The following CAMTA1 variants were observed in gnomAD, a reference collection of about 807,000 sequenced individuals.
CAMTA1 encodes the protein calmodulin-binding transcription activator 1.
A neutral mutation model predicts 170.9 loss-of-function variants in CAMTA1; 27 were observed. The observed-to-expected ratio is 0.16, with a 90% CI of 0.12 to 0.22. The LOEUF is 0.22. Among genes scored for constraint, CAMTA1 ranks in the 10% least tolerant of loss-of-function variants. The pLI is 1.00. For synonymous variants in CAMTA1, 833 were observed against 891.5 expected, an observed-to-expected ratio of 0.93 and a Z score of 1.17; for missense variants, 1,619 against 2,217.2, an observed-to-expected ratio of 0.73 and a Z score of 5.42.
intron 6 of CAMTA1, among the ~76,000 whole-genome samples, chr1:7,576,211 T>A (rs1414213317): frequency 6.6e-6 from 1 of 152,168 alleles, no homozygotes; most frequent in Non-Finnish European, 1.5e-5. Context: ...GGTTCCTCCA[T>A]GTTGGCCAGG....
intron 5 of CAMTA1, among the ~76,000 whole-genome samples, chr1:7,354,382 C>T (rs995848567): frequency 1.3e-5 from 2 of 152,120 alleles, no homozygotes; most frequent in Non-Finnish European, 2.9e-5. Flanking sequence ...ATCTCCCGAC[C>T]TCGTGATCCG....
intron 5 of CAMTA1, among the ~76,000 whole-genome samples, chr1:7,356,305 T>C (rs2085106533): frequency 6.6e-6 from 1 of 152,244 alleles, no homozygotes; most frequent in Admixed American, 6.5e-5. Context: ...AGGGCTCAAG[T>C]GCCCTTGGCC....
intron 5 of CAMTA1, among the ~76,000 whole-genome samples, chr1:7,310,115 G>A (rs552284024): frequency 6.6e-6 from 1 of 152,200 alleles, no homozygotes; most frequent in South Asian, 2.1e-4. Context: ...CTTGTCTGCT[G>A]GCAACTAATT....
chr1:7,219,560 A>T (rs1660363197), intron 4 of CAMTA1: 1 of 150,144 alleles, frequency 6.7e-6, no homozygotes, highest in Non-Finnish European at 1.5e-5. Flanking sequence ...AAAAAAAAAA[A>T]AAAAAAAAAA....
chr1:6,799,938 T>C (rs1643491956), intron 1 of CAMTA1, among the ~76,000 whole-genome samples: 1 of 152,148 alleles, frequency 6.6e-6, no homozygotes, highest in African/African-American at 2.4e-5. Flanking sequence ...GATATTCAGC[T>C]ATTCTGTATA....
At chr1:7,731,300 G>A (rs1002661911) in intron 11 of CAMTA1, among the ~76,000 whole-genome samples, 2 of 152,068 alleles carry the variant, frequency 1.3e-5, no homozygotes, top group South Asian at 2.1e-4. Flanking sequence ...GGGGCTGGGC[G>A]CAGTGGTTCA....
At chr1:7,411,183 T>C (rs774664417) in intron 5 of CAMTA1, among the ~76,000 whole-genome samples, 3 of 152,320 alleles carry the variant, frequency 2.0e-5, no homozygotes, top group Non-Finnish European at 4.4e-5. Flanking sequence ...TCACACTCTT[T>C]CCATCACTGT....
Position 6,965,745 on chromosome 1 carries a change from T to C in CAMTA1, c.235-125559T>C, listed in dbSNP as rs1010330312. Among the ~76,000 whole-genome samples the C allele has an allele frequency of 1.3e-5, 2 of 152,232 alleles. No individual in the cohort carries two copies. The highest frequency in any genetic ancestry group is 4.8e-5 in the African/African-American group (2 of 41,462). ...TCGCTTTGGGAGTTATTAGAGTTAGTGCCGGTTGTGACAAAAGCTGCATTT... is the reference window on the plus strand; with the variant it reads ...TCGCTTTGGGAGTTATTAGAGTTAGCGCCGGTTGTGACAAAAGCTGCATTT... On this transcript the variant is annotated intron_variant, in intron 3 of 22. Transcript: ENST00000303635. This position sits in a 1 kb window ranked among gnomAD's most constrained non-coding sequence, Gnocchi z 4.1.
chr1:6,931,210 G>A (rs916157774), intron 3 of CAMTA1, among the ~76,000 whole-genome samples: 1 of 152,218 alleles, frequency 6.6e-6, no homozygotes, highest in African/African-American at 2.4e-5. Context: ...GTGCCTGTGG[G>A]TGTGGGTAAG....
At chr1:7,661,597 C>T in intron 7 of CAMTA1, 129 bp from the exon 8 acceptor site, 1 of 1,066,642 alleles carries the variant, frequency 9.4e-7, no homozygotes, top group South Asian at 1.5e-5. Flanking sequence ...CATCAATTCG[C>T]CCCAGGAGCC....
At chr1:7,279,474 A>G (rs1360149981) in intron 5 of CAMTA1, among the ~76,000 whole-genome samples, 2 of 152,140 alleles carry the variant, frequency 1.3e-5, no homozygotes, top group South Asian at 4.1e-4. Flanking sequence ...CGGCAGCCCC[A>G]AAAGCTGTCA....
At chr1:7,525,215 C>T (rs2094417128) in intron 6 of CAMTA1, among the ~76,000 whole-genome samples, 2 of 151,992 alleles carry the variant, frequency 1.3e-5, no homozygotes, top group Admixed American at 1.3e-4. Context: ...CCCCCAGCAC[C>T]CACTCTTCTC....
intron 18 of CAMTA1, among the ~76,000 whole-genome samples, chr1:7,746,419 C>G (rs1296034973): frequency 6.6e-6 from 1 of 152,146 alleles, no homozygotes; most frequent in African/African-American, 2.4e-5. Context: ...TCTCATTCTC[C>G]CAAACCATTT....
intron 1 of CAMTA1, among the ~76,000 whole-genome samples, chr1:6,786,378 G>A (rs1639365166): frequency 6.6e-6 from 1 of 152,044 alleles, no homozygotes; most frequent in Admixed American, 6.5e-5. Context: ...GGCAAGTGAG[G>A]ATCTCCACAC....
intron 1 of CAMTA1, among the ~76,000 whole-genome samples, chr1:6,789,939 AGCTGGGATTACAG>A (rs1640572049): frequency 6.7e-6 from 1 of 149,450 alleles, no homozygotes; most frequent in Non-Finnish European, 1.5e-5. Flanking sequence ...CCTCCCAAGT[AGCTGGGATTACAG>A]GCGTGCACCA....
chr1:6,962,881 A>ACCCTCCATCCCTTTTGGT (rs1690739042), intron 3 of CAMTA1, among the ~76,000 whole-genome samples: 1 of 48,136 alleles, frequency 2.1e-5, no homozygotes, highest in South Asian at 7.2e-4. Flanking sequence ...GACTGGCCCC[A>ACCCTCCATCCCTTTTGGT]CCCTCCATCC....
At chr1:7,109,251 T>C (rs948243236) in intron 4 of CAMTA1, among the ~76,000 whole-genome samples, 1 of 152,254 alleles carries the variant, frequency 6.6e-6, no homozygotes, top group Non-Finnish European at 1.5e-5. Context: ...CAAAAGGGTG[T>C]GGCTTCCAGG....
At chr1:7,108,197 T>C (rs1321688445) in intron 4 of CAMTA1, among the ~76,000 whole-genome samples, 1 of 152,096 alleles carries the variant, frequency 6.6e-6, no homozygotes, top group Non-Finnish European at 1.5e-5. Context: ...CCGAAGCGCT[T>C]GGTGGTCAAG....
chr1:7,524,503 T>G (rs1403199802), intron 6 of CAMTA1, among the ~76,000 whole-genome samples: 3 of 152,210 alleles, frequency 2.0e-5, no homozygotes, highest in Non-Finnish European at 2.9e-5. Context: ...CAGAACTTCC[T>G]GTACTGTGTT....
Sources: gnomAD v4.1 joint callset for allele counts (sites outside exome capture counted in the v4.1 genomes callset) on GRCh38, gnomAD v4.1.1 for gene constraint, Gnocchi (gnomAD v3.1) non-coding constraint, MANE v1.5 for transcripts, NCBI Gene and HGNC (gene_info 2026-07-23, HGNC 2026-07-21) for gene names.